The following STIM2 variants were observed in gnomAD, a reference collection of about 807,000 sequenced individuals.
STIM2 encodes the protein stromal interaction molecule 2.
STIM2 carries 31 observed loss-of-function variants against 85.8 expected under a neutral mutation model. The observed-to-expected ratio is 0.36, with a 90% CI of 0.27 to 0.49. STIM2 has a LOEUF of 0.49. Ranked by LOEUF, STIM2 falls within the 20% of genes least tolerant of loss-of-function variation. The pLI is 0.98. For missense variants in STIM2, 841 were observed against 927.6 expected, an observed-to-expected ratio of 0.91 and a Z score of 1.21; for synonymous variants, 356 against 331.1, an observed-to-expected ratio of 1.08 and a Z score of -0.82.
At chr4:26,867,433 A>G (rs1722449251) in intron 1 of STIM2, among the ~76,000 whole-genome samples, 1 of 152,224 alleles carries the variant, frequency 6.6e-6, no homozygotes, top group Non-Finnish European at 1.5e-5. Context: ...GTTGTTTGAC[A>G]AATAAAACCA....
At chr4:26,939,291 G>C (rs1188166502) in intron 2 of STIM2, among the ~76,000 whole-genome samples, 3 of 151,984 alleles carry the variant, frequency 2.0e-5, no homozygotes, top group Non-Finnish European at 4.4e-5. Context: ...CTTGAGCTTG[G>C]CTGGAGGATT....
At chr4:26,984,977 T>C (rs1727529614) in intron 3 of STIM2, among the ~76,000 whole-genome samples, 1 of 152,212 alleles carries the variant, frequency 6.6e-6, no homozygotes, top group East Asian at 1.9e-4. Flanking sequence ...ATTACTAATA[T>C]CCGAACTCAA....
intron 1 of STIM2, among the ~76,000 whole-genome samples, chr4:26,913,329 TGTATA>T (rs1330412199): frequency 6.6e-6 from 1 of 151,950 alleles, no homozygotes; most frequent in Non-Finnish European, 1.5e-5. Flanking sequence ...ATAGTAATAT[TGTATA>T]GTAATCAATA....
At chr4:27,008,662 G>T in intron 9 of STIM2, 102 bp from the exon 10 acceptor site, 1 of 1,230,344 alleles carries the variant, frequency 8.1e-7, no homozygotes, top group Non-Finnish European at 1.2e-6. Context: ...ATTTCTTCTT[G>T]AAATTAGTTA....
chr4:26,878,246 A>G (rs1474499388), intron 1 of STIM2, among the ~76,000 whole-genome samples: 7 of 152,144 alleles, frequency 4.6e-5, no homozygotes, highest in African/African-American at 1.7e-4. Flanking sequence ...AGGGCTCGTA[A>G]GCCTGAGTCT....
chr4:26,940,333 GT>G (rs1317922939), intron 2 of STIM2, among the ~76,000 whole-genome samples: 111 of 152,218 alleles, frequency 7.3e-4, no homozygotes, highest in African/African-American at 2.4e-3. Context: ...CAGGCCCATG[GT>G]TTTAATGATC....
chr4:27,002,510 T>C, intron 6 of STIM2, 116 bp downstream of exon 6: 2 of 674,858 alleles, frequency 3.0e-6, no homozygotes, highest in Non-Finnish European at 2.3e-6. Flanking sequence ...CAGGAATAGA[T>C]GCATATTTGA....
chr4:26,944,276 A>G (rs569694912), intron 2 of STIM2, among the ~76,000 whole-genome samples: 35 of 152,212 alleles, frequency 2.3e-4, no homozygotes, highest in African/African-American at 8.2e-4. Context: ...TTTATGGTTT[A>G]CTTGTTCTTT....
At chr4:26,969,731 G>A (rs1366013893) in intron 3 of STIM2, among the ~76,000 whole-genome samples, 1 of 152,102 alleles carries the variant, frequency 6.6e-6, no homozygotes, top group Non-Finnish European at 1.5e-5. Context: ...GGAAGGTGAA[G>A]TTTTAAGTTA....
chr4:26,944,820 T>C (rs1238303983), intron 2 of STIM2, among the ~76,000 whole-genome samples: 1 of 152,234 alleles, frequency 6.6e-6, no homozygotes, highest in Non-Finnish European at 1.5e-5. Context: ...TATGTATTCT[T>C]ATGTACATGG....
At chr4:26,869,399 G>A (rs1722527205) in intron 1 of STIM2, among the ~76,000 whole-genome samples, 1 of 151,946 alleles carries the variant, frequency 6.6e-6, no homozygotes, top group Non-Finnish European at 1.5e-5. Flanking sequence ...AAGTGAGAAA[G>A]CCAGTCGTTG....
At chr4:27,004,970 G>A (rs561200941) in intron 7 of STIM2, among the ~76,000 whole-genome samples, 1 of 152,288 alleles carries the variant, frequency 6.6e-6, no homozygotes, top group South Asian at 2.1e-4. Context: ...AGAGAGGCTA[G>A]ATAACTTACT....
chr4:26,904,498 C>T (rs1724048435), intron 1 of STIM2, among the ~76,000 whole-genome samples: 1 of 152,034 alleles, frequency 6.6e-6, no homozygotes, highest in African/African-American at 2.4e-5. Flanking sequence ...AGAAAATGAT[C>T]AGCTGTGGCA....
chr4:26,898,247 C>A (rs1053496577), intron 1 of STIM2, among the ~76,000 whole-genome samples: 7 of 152,282 alleles, frequency 4.6e-5, no homozygotes, highest in African/African-American at 1.7e-4. Context: ...TGTTCTATCT[C>A]ATTTCCTCTA....
intron 1 of STIM2, among the ~76,000 whole-genome samples, chr4:26,883,831 T>G (rs1056882001): frequency 2.0e-5 from 3 of 152,186 alleles, no homozygotes; most frequent in African/African-American, 7.2e-5. Flanking sequence ...CTGTGCTGAG[T>G]GAGCCATGTA....
intron 1 of STIM2, among the ~76,000 whole-genome samples, chr4:26,880,658 AATAT>A (rs1011786769): frequency 1.2e-4 from 17 of 146,734 alleles, no homozygotes; most frequent in African/African-American, 4.0e-4. Flanking sequence ...TATATATATA[AATAT>A]ATATGTAAAT....
intron 3 of STIM2, among the ~76,000 whole-genome samples, chr4:26,984,089 A>G (rs1727496866): frequency 6.6e-6 from 1 of 152,364 alleles, no homozygotes; most frequent in Non-Finnish European, 1.5e-5. Context: ...CACACTTTTG[A>G]AAGTTTGTTG....
intron 1 of STIM2, among the ~76,000 whole-genome samples, chr4:26,917,193 T>C (rs971086355): frequency 6.6e-5 from 10 of 152,190 alleles, no homozygotes; most frequent in African/African-American, 2.4e-4. Flanking sequence ...GGTAGAATGA[T>C]TAGAAAATGA....
intron 1 of STIM2, among the ~76,000 whole-genome samples, chr4:26,883,450 G>A (rs904119351): frequency 1.3e-5 from 2 of 152,032 alleles, no homozygotes; most frequent in African/African-American, 4.8e-5. Flanking sequence ...GGTGTTCAGT[G>A]AATTAGGTAT....
Sources: gnomAD v4.1 joint callset for allele counts (sites outside exome capture counted in the v4.1 genomes callset) on GRCh38, gnomAD v4.1.1 for gene constraint, MANE v1.5 for transcripts, NCBI Gene and HGNC (gene_info 2026-07-23, HGNC 2026-07-21) for gene names.